Variants in CCDC102B observed in about 807,000 individuals in gnomAD.
The protein encoded by CCDC102B is coiled-coil domain containing 102B, also known as coiled-coil domain-containing protein 102B.
In CCDC102B, 75 loss-of-function variants were observed where a neutral mutation model predicts 57.4. The ratio of observed to expected loss-of-function variants is 1.31; its 90% confidence interval spans 1.08 to 1.58. The LOEUF is 1.58. Among genes scored for constraint, CCDC102B ranks in the 40% most tolerant of loss-of-function variants. The pLI is 0.00. For synonymous variants in CCDC102B, 206 were observed against 201.9 expected (o/e 1.02, Z -0.17); for missense variants, 636 against 582.6 (o/e 1.09, Z -0.94).
At chr18:68,879,242 C>G (rs551580682) in intron 5 of CCDC102B, among the ~76,000 whole-genome samples, 162 of 152,198 alleles carry the variant, frequency 1.1e-3, no homozygotes, top group African/African-American at 3.8e-3. Flanking sequence ...TCGCTGGCTT[C>G]AGGAGTGAAG....
chr18:68,913,598 T>C (rs1374847960), intron 6 of CCDC102B, among the ~76,000 whole-genome samples: 1 of 150,026 alleles, frequency 6.7e-6, no homozygotes, highest in Non-Finnish European at 1.5e-5. Flanking sequence ...GAGGTTGCAG[T>C]GAGCCGAGCT....
At chr18:68,824,032 G>C (rs1441942209) in intron 1 of CCDC102B, among the ~76,000 whole-genome samples, 2 of 151,106 alleles carry the variant, frequency 1.3e-5, no homozygotes, top group Non-Finnish European at 2.9e-5. Flanking sequence ...TTCTTTTGCT[G>C]TGCAAAAGCT....
At chr18:69,041,229 T>A (rs978202816) in intron 7 of CCDC102B, among the ~76,000 whole-genome samples, 2 of 152,082 alleles carry the variant, frequency 1.3e-5, no homozygotes, top group Non-Finnish European at 2.9e-5. Flanking sequence ...ACACAGCAGA[T>A]ACTCAATTTG....
intron 7 of CCDC102B, among the ~76,000 whole-genome samples, chr18:69,015,899 G>T (rs563197457): frequency 3.3e-5 from 5 of 151,946 alleles, no homozygotes; most frequent in African/African-American, 1.2e-4. Flanking sequence ...CTGTCACCCA[G>T]GCTGGAGTGC....
chr18:68,781,298 A>T (rs2035000446), intron 2 of CCDC102B, among the ~76,000 whole-genome samples: 1 of 150,494 alleles, frequency 6.6e-6, no homozygotes, highest in South Asian at 2.1e-4. Flanking sequence ...AATACATTTA[A>T]GTTCTCAGAA....
chr18:68,807,731 TGAAAG>T (rs2036083965), intron 1 of CCDC102B, among the ~76,000 whole-genome samples: 1 of 152,068 alleles, frequency 6.6e-6, no homozygotes, highest in African/African-American at 2.4e-5. Flanking sequence ...TATGCAAAAA[TGAAAG>T]GAAACAAATG....
intron 2 of CCDC102B, among the ~76,000 whole-genome samples, chr18:68,779,290 T>C (rs577387803): frequency 1.8e-4 from 28 of 152,238 alleles, no homozygotes; most frequent in African/African-American, 6.5e-4. Context: ...CTATAGGAAG[T>C]AGGCCAACAG....
chr18:68,827,221 A>G (rs186342125), intron 1 of CCDC102B, among the ~76,000 whole-genome samples: 1 of 152,274 alleles, frequency 6.6e-6, no homozygotes, highest in Non-Finnish European at 1.5e-5. Flanking sequence ...ATCCTGTAGC[A>G]TCAAAAAACA....
At chr18:69,022,862 G>A (rs2051883395) in intron 7 of CCDC102B, among the ~76,000 whole-genome samples, 1 of 151,970 alleles carries the variant, frequency 6.6e-6, no homozygotes, top group South Asian at 2.1e-4. Flanking sequence ...AGATTCCTAA[G>A]GGGGAAAGGT....
intron 6 of CCDC102B, among the ~76,000 whole-genome samples, chr18:68,975,903 A>C (rs2050423726): frequency 6.6e-6 from 1 of 151,792 alleles, no homozygotes; most frequent in African/African-American, 2.4e-5. Flanking sequence ...ACATAGTCAC[A>C]ATCAATATTT....
chr18:68,800,710 G>A (rs879451629), intron 1 of CCDC102B, among the ~76,000 whole-genome samples: 1 of 151,994 alleles, frequency 6.6e-6, no homozygotes, highest in Non-Finnish European at 1.5e-5. Flanking sequence ...AACACTCAGC[G>A]ACCAAATACT....
chr18:68,778,403 C>T (rs1191396988), intron 2 of CCDC102B, among the ~76,000 whole-genome samples: 1 of 152,094 alleles, frequency 6.6e-6, no homozygotes, highest in African/African-American at 2.4e-5. Context: ...TTAGCTCTGA[C>T]ACTATTACAT....
intron 2 of CCDC102B, among the ~76,000 whole-genome samples, chr18:68,764,979 C>T (rs1027569276): frequency 1.3e-5 from 2 of 151,126 alleles, no homozygotes; most frequent in Non-Finnish European, 2.9e-5. Flanking sequence ...TCCAGGAGTT[C>T]GAGGCTGCAG....
intron 6 of CCDC102B, among the ~76,000 whole-genome samples, chr18:68,904,414 A>G (rs965618734): frequency 6.6e-6 from 1 of 152,208 alleles, no homozygotes; most frequent in Non-Finnish European, 1.5e-5. Flanking sequence ...TAATTTAGTT[A>G]TTGCATGAAA....
At chr18:68,723,117 A>G (rs1052051753) in intron 2 of CCDC102B, among the ~76,000 whole-genome samples, 3 of 152,102 alleles carry the variant, frequency 2.0e-5, no homozygotes, top group Non-Finnish European at 4.4e-5. Context: ...AGGACAGAGA[A>G]TGGGTGCCCA....
intron 6 of CCDC102B, among the ~76,000 whole-genome samples, chr18:68,915,108 T>A (rs919235813): frequency 6.6e-6 from 1 of 152,218 alleles, no homozygotes; most frequent in Non-Finnish European, 1.5e-5. Context: ...TTATATATCT[T>A]CTAGTTACAT....
At chr18:68,951,547 C>A (rs1247179666) in intron 6 of CCDC102B, among the ~76,000 whole-genome samples, 1 of 152,078 alleles carries the variant, frequency 6.6e-6, no homozygotes, top group Non-Finnish European at 1.5e-5. Context: ...GTGCCTCATG[C>A]CCGTAATCCC....
intron 2 of CCDC102B, chr18:68,754,003 G>A (rs1453026947): frequency 2.6e-5 from 4 of 151,916 alleles, no homozygotes; most frequent in Non-Finnish European, 5.9e-5. Flanking sequence ...TGTACAGACA[G>A]GTTAAAACTC....
At chr18:68,887,660 A>G (rs552961530) in intron 5 of CCDC102B, among the ~76,000 whole-genome samples, 68 of 152,380 alleles carry the variant, frequency 4.5e-4, no homozygotes, top group African/African-American at 1.2e-3. Flanking sequence ...AACTTAGGCC[A>G]CAGATGTGAA....
Sources: allele counts gnomAD v4.1 joint callset (sites outside exome capture counted in the v4.1 genomes callset), GRCh38; gene constraint gnomAD v4.1.1; transcripts MANE v1.5; gene names NCBI Gene and HGNC (gene_info 2026-07-23, HGNC 2026-07-21).